CC2D2A: variants seen among roughly 807,000 people sequenced by gnomAD.
CC2D2A encodes coiled-coil and C2 domain-containing protein 2A.
In CC2D2A, 155 loss-of-function variants were observed where a neutral mutation model predicts 212.9. The ratio of observed to expected loss-of-function variants is 0.73; its 90% CI spans 0.64 to 0.83. The LOEUF is 0.83. Among genes scored for constraint, CC2D2A ranks in the 40% least tolerant of loss-of-function variants. The pLI, the probability that CC2D2A is intolerant of heterozygous loss-of-function variation, is 0.00. For synonymous variants in CC2D2A, 667 were observed against 686.5 expected, an observed-to-expected ratio of 0.97 and a Z score of 0.44; for missense variants, 1,856 against 1,956.2, an observed-to-expected ratio of 0.95 and a Z score of 0.97.
At chr4:15,532,275 C>G (rs923317332) in intron 13 of CC2D2A, among the ~76,000 whole-genome samples, 1 of 152,182 alleles carries the variant, frequency 6.6e-6, no homozygotes, top group African/African-American at 2.4e-5. Flanking sequence ...TGCCATCTTC[C>G]TTTTCTACAG....
At chr4:15,576,526 TG>T (rs1160889559) in intron 29 of CC2D2A, 1 of 217,848 alleles carries the variant, frequency 4.6e-6, no homozygotes, top group African/African-American at 2.4e-5. Flanking sequence ...TTGTTAAAAA[TG>T]TTTTTTTAAA....
intron 4 of CC2D2A, among the ~76,000 whole-genome samples, chr4:15,482,695 G>A (rs1367302451): frequency 6.6e-6 from 1 of 152,038 alleles, no homozygotes; most frequent in African/African-American, 2.4e-5. Context: ...TTTCAGAGGG[G>A]GGACACAATT....
chr4:15,594,242 A>AT (rs1429989784), intron 33 of CC2D2A, among the ~76,000 whole-genome samples: 1 of 152,000 alleles, frequency 6.6e-6, no homozygotes, highest in African/African-American at 2.4e-5. Context: ...ATGAAAAGTG[A>AT]TTTTTCCAGT....
At chr4:15,470,649 ATCTC>A (rs56039505) in intron 1 of CC2D2A, among the ~76,000 whole-genome samples, 183 of 98,506 alleles carry the variant, frequency 1.9e-3, no homozygotes, top group South Asian at 4.1e-3. Context: ...CCAGCATGAA[ATCTC>A]TCTCTCTCTC....
At chr4:15,589,479 CA>C in intron 32 of CC2D2A, 65 bp from the exon 33 acceptor site, 1 of 1,373,218 alleles carries the variant, frequency 7.3e-7, no homozygotes, top group Admixed American at 1.9e-5. Flanking sequence ...ATTGTCTGTG[CA>C]AACTACTATT....
chr4:15,594,040 C>T (rs1456214768), intron 33 of CC2D2A, among the ~76,000 whole-genome samples: 1 of 152,094 alleles, frequency 6.6e-6, no homozygotes, highest in African/African-American at 2.4e-5. Context: ...CACCTCTCTC[C>T]CCCTTCCTCT....
chr4:15,484,979 G>C (rs762139339), intron 4 of CC2D2A, among the ~76,000 whole-genome samples: 1 of 152,010 alleles, frequency 6.6e-6, no homozygotes, highest in African/African-American at 2.4e-5. Flanking sequence ...ATCACCTCCC[G>C]GCATTTTCCA....
intron 4 of CC2D2A, among the ~76,000 whole-genome samples, chr4:15,483,729 T>C (rs1251107010): frequency 6.6e-6 from 1 of 152,208 alleles, no homozygotes; most frequent in Admixed American, 6.5e-5. Context: ...TCCGGTTGTA[T>C]TTTCCAGTGT....
Position 15,516,018 on chromosome 4 carries a change from C to A in CC2D2A, c.1017+14C>A. 1 of 1,580,968 alleles carries A rather than the reference C, an allele frequency of 6.3e-7. No individual in the cohort carries two copies. Among genetic ancestry groups the A allele is most frequent in the East Asian group, 2.3e-5 (1 of 43,652 alleles). On this transcript the variant is annotated intron_variant, in intron 10 of 36. Transcript: ENST00000424120. ...ATGCAGGACCCCGTAAGTGTGCACC[C>A]TCTGCTCTCAGGTGTAGCCTGGGCA... is the stretch of plus-strand genomic sequence containing the variant.
Position 15,596,221 on chromosome 4 carries a change from A to G in CC2D2A, c.4437+14A>G, listed in dbSNP as rs1160508638. 2 of 1,500,098 alleles carry G rather than the reference A, an allele frequency of 1.3e-6. No individual in the cohort carries two copies. Among genetic ancestry groups the G allele is most frequent in the African/African-American group, 1.4e-5 (1 of 70,592 alleles). The allele number at this position is 1,500,098 out of a possible 1,614,324, so 92.9% of individuals were successfully genotyped here. A position where few individuals can be genotyped will look rare whatever the true frequency, so the allele number is the denominator to read the frequency against. On this transcript the variant is annotated intron_variant, in intron 34 of 36. Transcript: ENST00000424120. ...TCCAGTGTTCAGGTATAAATCTTTT[A>G]TTAACAGTTAAATGTAGACAAAGTA...
chr4:15,563,218 A>G (rs1719702620), intron 23 of CC2D2A, 137 bp from the exon 24 acceptor site: 5 of 779,162 alleles, frequency 6.4e-6, no homozygotes, highest in Non-Finnish European at 1.0e-5. Flanking sequence ...TTTCTAGACT[A>G]TTTCCACCCA....
At chr4:15,520,250 C>T (rs1047766876) in intron 11 of CC2D2A, among the ~76,000 whole-genome samples, 5 of 152,098 alleles carry the variant, frequency 3.3e-5, no homozygotes, top group African/African-American at 4.8e-5. Flanking sequence ...AATATTATTA[C>T]TGACAAGTAT....
chr4:15,491,554 A>G (rs189697600), intron 4 of CC2D2A, among the ~76,000 whole-genome samples: 1 of 152,220 alleles, frequency 6.6e-6, no homozygotes, highest in Non-Finnish European at 1.5e-5. Flanking sequence ...ACAGGTGCTC[A>G]CCACCACATC....
chr4:15,594,136 A>G (rs974240484), intron 33 of CC2D2A, among the ~76,000 whole-genome samples: 29 of 152,178 alleles, frequency 1.9e-4, no homozygotes, highest in Non-Finnish European at 3.8e-4. Flanking sequence ...AAACATAACA[A>G]AGCACACTTT....
intron 2 of CC2D2A, among the ~76,000 whole-genome samples, chr4:15,476,930 A>G (rs892150693): frequency 9.9e-5 from 15 of 152,226 alleles, no homozygotes; most frequent in Non-Finnish European, 2.1e-4. Flanking sequence ...ACAAAGACAG[A>G]AATGGAGATG....
chr4:15,505,709 A>C (rs1716218149), intron 6 of CC2D2A, among the ~76,000 whole-genome samples: 6 of 152,240 alleles, frequency 3.9e-5, no homozygotes, highest in Admixed American at 3.3e-4. Flanking sequence ...CAAGTAACAA[A>C]AGGATAAATA....
chr4:15,512,945 C>T (rs1377634453), intron 8 of CC2D2A, among the ~76,000 whole-genome samples: 1 of 131,364 alleles, frequency 7.6e-6, no homozygotes, highest in African/African-American at 3.1e-5. Flanking sequence ...AAGCAAGACT[C>T]TGTCTCAAAA....
At chr4:15,480,850 G>A (rs759196595) in intron 4 of CC2D2A, 23 bp downstream of exon 4, 1 of 1,606,330 alleles carries the variant, frequency 6.2e-7, no homozygotes, top group Non-Finnish European at 8.5e-7. Flanking sequence ...CTTCCATTCA[G>A]CTACTGCTTG....
chr4:15,572,478 T>C (rs1393832698), intron 28 of CC2D2A, among the ~76,000 whole-genome samples: 1 of 151,908 alleles, frequency 6.6e-6, no homozygotes, highest in African/African-American at 2.4e-5. Flanking sequence ...TGCTCTCAAG[T>C]GTACCCACAT....
Sources: allele counts gnomAD v4.1 joint callset (sites outside exome capture counted in the v4.1 genomes callset), GRCh38; gene constraint gnomAD v4.1.1; transcripts MANE v1.5; gene names NCBI Gene and HGNC (gene_info 2026-07-23, HGNC 2026-07-21).